PAG1: variants seen among roughly 807,000 people sequenced by gnomAD.
PAG1 encodes phosphoprotein membrane anchor with glycosphingolipid microdomains 1.
A neutral mutation model predicts 31.7 loss-of-function variants in PAG1; 23 were observed. The observed-to-expected ratio is 0.73, with a 90% CI of 0.52 to 1.03. The LOEUF (loss-of-function observed/expected upper bound fraction) is 1.03, where lower values mean the gene tolerates loss of function less well. PAG1 is among the 50% of genes least tolerant of loss of function. PAG1 has a pLI of 0.00. For synonymous variants in PAG1, 214 were observed against 210.3 expected (o/e 1.02, Z -0.15); for missense variants, 473 against 540.7 (o/e 0.87, Z 1.24).
chr8:80,994,496 C>A (rs1198788484), intron 3 of PAG1, among the ~76,000 whole-genome samples: 1 of 152,186 alleles, frequency 6.6e-6, no homozygotes, highest in Admixed American at 6.5e-5. Context: ...CACTGTTAAT[C>A]CCCCTTTTAC....
rs1194495518 is a variant in PAG1, at chr8:81,007,625, A to G, written c.-80-14318T>C. 6.5e-5 allele frequency among the ~76,000 whole-genome samples: 8 copies of G among 122,410 alleles called. No homozygotes were observed. In the Admixed American group the frequency reaches 9.1e-4, roughly 14 times the overall value. 80.3% of individuals were successfully genotyped at this position (122,410 alleles called of 152,430 possible). A position where few individuals can be genotyped will look rare whatever the true frequency, so the allele number is the denominator to read the frequency against. On this transcript the variant is annotated intron_variant, in intron 3 of 8. Coordinates refer to ENST00000220597, the MANE Select transcript of PAG1 (RefSeq NM_018440.4). ...GCATCCCAGCCTGGGTGACAGAGCA[A>G]GACTCTGTCTCAAAAAAAAAAAAAA...
At chr8:81,001,111 G>C (rs142760834) in intron 3 of PAG1, among the ~76,000 whole-genome samples, 182 of 152,298 alleles carry the variant, frequency 1.2e-3, no homozygotes, top group Admixed American at 2.0e-3. Context: ...CAGCTTTCCT[G>C]ATGCCAAAAC....
intron 3 of PAG1, among the ~76,000 whole-genome samples, chr8:81,008,938 T>C (rs1271862903): frequency 1.3e-5 from 2 of 152,246 alleles, no homozygotes; most frequent in Non-Finnish European, 2.9e-5. Flanking sequence ...GACATTGTTC[T>C]ACTGTGTGGT....
intron 2 of PAG1, among the ~76,000 whole-genome samples, chr8:81,059,702 C>G (rs1808887000): frequency 6.6e-6 from 1 of 152,150 alleles, no homozygotes; most frequent in Non-Finnish European, 1.5e-5. Flanking sequence ...AAAGGTCTCC[C>G]TAAAGCACAC....
chr8:81,028,963 A>G (rs1808331175), intron 3 of PAG1, among the ~76,000 whole-genome samples: 1 of 152,212 alleles, frequency 6.6e-6, no homozygotes, highest in Non-Finnish European at 1.5e-5. Context: ...CTTCCAGAAC[A>G]CTAAGGGCTA....
rs1300784863 is a variant in PAG1, at chr8:80,974,495, T to C, written c.*2049A>G. On this transcript the variant is annotated 3_prime_UTR_variant, in exon 9 of 9. Coordinates refer to ENST00000220597, the MANE Select transcript of PAG1 (RefSeq NM_018440.4). ...ATCTTCTAATCAGTGATGATTGTGC[T>C]TATGCACACGACATCTTCATGGGAG... 1 of 152,234 alleles carries C rather than the reference T, an allele frequency of 6.6e-6. No individual in the cohort carries two copies. Among genetic ancestry groups the C allele is most frequent in the African/African-American group, 2.4e-5 (1 of 41,458 alleles). 9.4% of individuals were successfully genotyped at this position (152,234 alleles called of 1,614,324 possible).
chr8:81,009,318 A>G (rs1045763300), intron 3 of PAG1, among the ~76,000 whole-genome samples: 2 of 152,222 alleles, frequency 1.3e-5, no homozygotes, highest in Non-Finnish European at 2.9e-5. Context: ...TTTAATTACC[A>G]TGGACTATTC....
intron 2 of PAG1, among the ~76,000 whole-genome samples, chr8:81,056,990 C>T (rs1459380908): frequency 2.6e-5 from 4 of 152,172 alleles, no homozygotes; most frequent in Non-Finnish European, 5.9e-5. Context: ...CACTGGCCAT[C>T]GGAGAAATGC....
chr8:81,045,212 T>C (rs1371981763), intron 2 of PAG1, among the ~76,000 whole-genome samples: 1 of 152,226 alleles, frequency 6.6e-6, no homozygotes, highest in Non-Finnish European at 1.5e-5. Context: ...AGGTAGAGTA[T>C]GTCAGGCTGA....
chr8:80,998,128 CTTTTT>C (rs3065523), intron 3 of PAG1, among the ~76,000 whole-genome samples: 13 of 112,766 alleles, frequency 1.2e-4, no homozygotes, highest in Admixed American at 1.8e-4. Flanking sequence ...AGCAGGTGTC[CTTTTT>C]TTTTTTTTTT....
At chr8:81,094,160 AC>A (rs1191078952) in intron 1 of PAG1, among the ~76,000 whole-genome samples, 2 of 151,938 alleles carry the variant, frequency 1.3e-5, no homozygotes. Flanking sequence ...CTTCCTCTCT[AC>A]CTATACCCCA....
chr8:81,046,574 T>C (rs1195503262), intron 2 of PAG1, among the ~76,000 whole-genome samples: 1 of 152,244 alleles, frequency 6.6e-6, no homozygotes, highest in Non-Finnish European at 1.5e-5. Flanking sequence ...AGTAACATTG[T>C]TTTTGGGCAA....
intron 1 of PAG1, among the ~76,000 whole-genome samples, chr8:81,091,524 C>T (rs1809445846): frequency 6.6e-6 from 1 of 152,086 alleles, no homozygotes; most frequent in Non-Finnish European, 1.5e-5. Flanking sequence ...GCCTATTGCT[C>T]CTAGGCTACA....
intron 8 of PAG1, among the ~76,000 whole-genome samples, chr8:80,978,566 C>T (rs1044192520): frequency 6.6e-6 from 1 of 152,208 alleles, no homozygotes; most frequent in Non-Finnish European, 1.5e-5. Flanking sequence ...CCCCTCACCA[C>T]CGTTAGCTTC....
chr8:81,031,461 T>C (rs561392711), intron 2 of PAG1, among the ~76,000 whole-genome samples: 1 of 152,248 alleles, frequency 6.6e-6, no homozygotes, highest in Non-Finnish European at 1.5e-5. Context: ...GCCATGCAGA[T>C]ATATTTAGAT....
intron 8 of PAG1, among the ~76,000 whole-genome samples, chr8:80,979,841 G>A (rs1243985100): frequency 6.6e-6 from 1 of 151,826 alleles, no homozygotes; most frequent in African/African-American, 2.4e-5. Flanking sequence ...GTATAATACT[G>A]GCTTTAACAA....
intron 2 of PAG1, among the ~76,000 whole-genome samples, chr8:81,064,444 T>A (rs934694282): frequency 6.6e-6 from 1 of 152,184 alleles, no homozygotes; most frequent in Non-Finnish European, 1.5e-5. Flanking sequence ...GAGGATGACT[T>A]CCTAATCAGC....
At chr8:81,019,102 G>A (rs944308860) in intron 3 of PAG1, among the ~76,000 whole-genome samples, 1 of 152,178 alleles carries the variant, frequency 6.6e-6, no homozygotes, top group African/African-American at 2.4e-5. Context: ...TGGCAGCATT[G>A]TGCCCTTGCC....
At position 80,985,102 on chromosome 8, in the gene PAG1, C is replaced by T; in HGVS notation, c.550G>A (p.Val184Met). The change falls in exon 7 of 9, where the codon GTG becomes ATG. Residue 184 changes from valine to methionine, a missense_variant. Transcript: ENST00000220597. Reference protein sequence around the residue: ...NMVEDCLYETVKEIKEVAAAA... With the variant: ...NMVEDCLYETMKEIKEVAAAA... ...GCAGCCACCTCCTTGATCTCTTTCA[C>T]AGTTTCATACAAGCAGTCCTCCACC... is the stretch of plus-strand genomic sequence containing the variant. 2 of 1,614,138 alleles carry T rather than the reference C, an allele frequency of 1.2e-6. No homozygotes were observed. The highest frequency in any genetic ancestry group is 3.3e-4 in the Middle Eastern group (2 of 6,062).
Sources: allele counts gnomAD v4.1 joint callset (sites outside exome capture counted in the v4.1 genomes callset), GRCh38; gene constraint gnomAD v4.1.1; transcripts MANE v1.5; gene names NCBI Gene and HGNC (gene_info 2026-07-23, HGNC 2026-07-21).